Variants in CDC73 observed in about 807,000 individuals in gnomAD.
The protein encoded by CDC73 is parafibromin.
A neutral mutation model predicts 83.7 loss-of-function variants in CDC73; 21 were observed. The observed-to-expected ratio is 0.25, with a 90% confidence interval of 0.18 to 0.36. CDC73 has a LOEUF of 0.36. Ranked by LOEUF, CDC73 falls within the 10% of genes least tolerant of loss-of-function variation. CDC73 has a pLI of 1.00. For synonymous variants in CDC73, 224 were observed against 212.9 expected (o/e 1.05, Z -0.45); for missense variants, 342 against 653.3 (o/e 0.52, Z 5.19).
chr1:193,160,820 T>C (rs961548704), intron 10 of CDC73, among the ~76,000 whole-genome samples: 1 of 152,102 alleles, frequency 6.6e-6, no homozygotes, highest in Non-Finnish European at 1.5e-5. Context: ...AAACCTAGTA[T>C]ATTTAATAAC....
At chr1:193,164,943 G>A (rs1369173125) in intron 10 of CDC73, among the ~76,000 whole-genome samples, 1 of 152,238 alleles carries the variant, frequency 6.6e-6, no homozygotes, top group African/African-American at 2.4e-5. Flanking sequence ...GAGGTGAGGA[G>A]CGATAGACTG....
At chr1:193,127,289 A>AGGTG (rs1553277969) in intron 2 of CDC73, among the ~76,000 whole-genome samples, 1 of 143,188 alleles carries the variant, frequency 7.0e-6, no homozygotes, top group Non-Finnish European at 1.5e-5. Flanking sequence ...AAAAAAAAAA[A>AGGTG]TGTGTGTGTG....
intron 6 of CDC73, among the ~76,000 whole-genome samples, chr1:193,139,534 T>C (rs1340163778): frequency 6.6e-6 from 1 of 152,260 alleles, no homozygotes; most frequent in African/African-American, 2.4e-5. Flanking sequence ...TTTTCATGCC[T>C]TGAGATTGAT....
chr1:193,125,507 C>T (rs558660604), intron 2 of CDC73, among the ~76,000 whole-genome samples: 1 of 152,304 alleles, frequency 6.6e-6, no homozygotes, highest in Non-Finnish European at 1.5e-5. Flanking sequence ...GTGGATCCTC[C>T]TGCCTCGGCC....
chr1:193,198,295 A>G (rs1677036315), intron 10 of CDC73, among the ~76,000 whole-genome samples: 1 of 152,158 alleles, frequency 6.6e-6, no homozygotes, highest in East Asian at 1.9e-4. Context: ...ATTAATCCCC[A>G]CTGTGGTGAT....
In CDC73 at chr1:193,251,126, G is replaced by A; in HGVS notation, c.*414G>A. 1 of 253,736 alleles carries A rather than the reference G, an allele frequency of 3.9e-6. No individual in the cohort carries two copies. The highest frequency in any genetic ancestry group is 7.7e-6 in the Non-Finnish European group (1 of 130,280). The allele number at this position is 253,736 out of a possible 1,614,324, so 15.7% of individuals were successfully genotyped here. A position where few individuals can be genotyped will look rare whatever the true frequency, so the allele number is the denominator to read the frequency against. On this transcript the variant is annotated 3_prime_UTR_variant, in exon 17 of 17. Transcript: ENST00000367435. ...TGAATGGTATTAAATTTTAGTCTCT[G>A]GAACATCCAAAACCAAGCAAAGGGA...
At chr1:193,241,949 G>T (rs1475301159) in intron 15 of CDC73, among the ~76,000 whole-genome samples, 4 of 152,228 alleles carry the variant, frequency 2.6e-5, no homozygotes, top group Admixed American at 6.5e-5. Context: ...GCAACGGCCA[G>T]TAAGCAGGCA....
chr1:193,160,341 C>T (rs1266752845), intron 10 of CDC73, among the ~76,000 whole-genome samples: 1 of 151,950 alleles, frequency 6.6e-6, no homozygotes, highest in Non-Finnish European at 1.5e-5. Context: ...AATTTAACAT[C>T]ACTTTGTTTT....
At chr1:193,193,780 A>AGTGTGTGTGT (rs71111459) in intron 10 of CDC73, among the ~76,000 whole-genome samples, 180 of 135,916 alleles carry the variant, frequency 1.3e-3, no homozygotes, top group East Asian at 3.1e-3. Context: ...TCTTACTTGT[A>AGTGTGTGTGT]GTGTGTGTGT....
chr1:193,166,405 T>C (rs1676435025), intron 10 of CDC73, among the ~76,000 whole-genome samples: 1 of 152,196 alleles, frequency 6.6e-6, no homozygotes, highest in African/African-American at 2.4e-5. Flanking sequence ...CTTCTCAAAG[T>C]GCAGAGATTA....
At chr1:193,225,413 G>GT (rs1420740722) in intron 13 of CDC73, among the ~76,000 whole-genome samples, 33 of 152,114 alleles carry the variant, frequency 2.2e-4, no homozygotes, top group Admixed American at 2.0e-3. Flanking sequence ...TTTCTTCTGG[G>GT]TAGATACTCA....
At chr1:193,148,665 T>G (rs976128351) in intron 8 of CDC73, among the ~76,000 whole-genome samples, 6 of 135,204 alleles carry the variant, frequency 4.4e-5, no homozygotes, top group Admixed American at 1.5e-4. Flanking sequence ...TTTTTTTTTT[T>G]GAGACAGTCT....
intron 1 of CDC73, 84 bp from the exon 2 acceptor site, chr1:193,125,028 G>T: frequency 1.3e-6 from 1 of 771,360 alleles, no homozygotes. Context: ...ATTGTTGTTA[G>T]CAAAGTTGTT....
intron 13 of CDC73, among the ~76,000 whole-genome samples, chr1:193,229,815 A>T (rs1339790475): frequency 6.6e-6 from 1 of 152,230 alleles, no homozygotes; most frequent in African/African-American, 2.4e-5. Context: ...AAAATAATAC[A>T]TCTGGTATAT....
intron 3 of CDC73, among the ~76,000 whole-genome samples, chr1:193,130,504 A>G (rs909367895): frequency 6.6e-6 from 1 of 152,180 alleles, no homozygotes. Flanking sequence ...TGTTTCTCTG[A>G]CATCATCAGT....
chr1:193,228,466 A>G (rs918169554), intron 13 of CDC73, among the ~76,000 whole-genome samples: 2 of 152,224 alleles, frequency 1.3e-5, no homozygotes, highest in African/African-American at 2.4e-5. Flanking sequence ...AATCCACACA[A>G]TGTACTAACG....
intron 15 of CDC73, among the ~76,000 whole-genome samples, chr1:193,242,300 T>G (rs1022784420): frequency 1.3e-5 from 2 of 152,110 alleles, no homozygotes; most frequent in African/African-American, 2.4e-5. Flanking sequence ...CTAGGCAGCT[T>G]TCTGTGTTGG....
chr1:193,236,471 G>A (rs560334202), intron 15 of CDC73, 115 bp downstream of exon 15: 3 of 736,868 alleles, frequency 4.1e-6, no homozygotes, highest in Non-Finnish European at 7.3e-6. Context: ...TTGCTGTTAA[G>A]TAACATATGT....
At chr1:193,214,452 T>C (rs1258764378) in intron 13 of CDC73, among the ~76,000 whole-genome samples, 1 of 152,194 alleles carries the variant, frequency 6.6e-6, no homozygotes, top group Non-Finnish European at 1.5e-5. Context: ...GCACGGTGGC[T>C]CACGCCTGTG....
Sources: allele counts gnomAD v4.1 joint callset (sites outside exome capture counted in the v4.1 genomes callset), GRCh38; gene constraint gnomAD v4.1.1; transcripts MANE v1.5; gene names NCBI Gene and HGNC (gene_info 2026-07-23, HGNC 2026-07-21).